Variants in ARHGAP15 observed in about 807,000 individuals in gnomAD.
The protein encoded by ARHGAP15 is rho GTPase-activating protein 15.
In ARHGAP15, 51 loss-of-function variants were observed where a neutral mutation model predicts 63.7. That is an observed-to-expected ratio of 0.80 (90% CI 0.64 to 1.01). ARHGAP15 has a LOEUF of 1.01. Among genes scored for constraint, ARHGAP15 ranks in the 50% least tolerant of loss-of-function variants. The pLI, the probability that ARHGAP15 is intolerant of heterozygous loss-of-function variation, is 0.00. For missense variants in ARHGAP15, 560 were observed against 564.6 expected, an observed-to-expected ratio of 0.99 and a Z score of 0.08; for synonymous variants, 191 against 193.8, an observed-to-expected ratio of 0.99 and a Z score of 0.12.
At chr2:143,553,969 G>A (rs1054547858) in intron 10 of ARHGAP15, among the ~76,000 whole-genome samples, 4 of 151,978 alleles carry the variant, frequency 2.6e-5, no homozygotes, top group Non-Finnish European at 5.9e-5. Flanking sequence ...ATTAAGTAAG[G>A]CCCTTATTTG....
At chr2:143,369,169 A>G (rs1053543244) in intron 6 of ARHGAP15, among the ~76,000 whole-genome samples, 2 of 152,152 alleles carry the variant, frequency 1.3e-5, no homozygotes, top group South Asian at 2.1e-4. Context: ...TTTGCATACT[A>G]TGTAAGAAGG....
At chr2:143,287,271 C>T (rs2105104062) in intron 6 of ARHGAP15, among the ~76,000 whole-genome samples, 1 of 152,144 alleles carries the variant, frequency 6.6e-6, no homozygotes, top group East Asian at 1.9e-4. Context: ...CCCCAAAACA[C>T]ATTGGAAGAG....
At chr2:143,629,899 T>C (rs1698996224) in intron 12 of ARHGAP15, among the ~76,000 whole-genome samples, 1 of 152,170 alleles carries the variant, frequency 6.6e-6, no homozygotes, top group Non-Finnish European at 1.5e-5. Flanking sequence ...GAAATTAGTT[T>C]TTAGAGAAGT....
intron 6 of ARHGAP15, among the ~76,000 whole-genome samples, chr2:143,405,542 A>G (rs972796725): frequency 2.0e-5 from 3 of 151,898 alleles, no homozygotes; most frequent in East Asian, 1.9e-4. Context: ...CAAGTTGACT[A>G]TATATTTTCT....
chr2:143,512,337 G>C (rs1316619979), intron 9 of ARHGAP15, among the ~76,000 whole-genome samples: 1 of 152,152 alleles, frequency 6.6e-6, no homozygotes, highest in African/African-American at 2.4e-5. Flanking sequence ...AATTACTGTG[G>C]CCAAGAAGAT....
Position 143,616,458 on chromosome 2 carries a change from C to T in ARHGAP15, c.1004-7675C>T, listed in dbSNP as rs1423174097. The stretch of plus-strand genomic sequence containing the variant: ...ATATTTCATATGAGCCTGTGACATG[C>T]GCATGCTTTGGTCTTCTCAAATAAT... On this transcript the variant is annotated intron_variant, in intron 11 of 13. Coordinates refer to ENST00000295095, the MANE Select transcript of ARHGAP15 (RefSeq NM_018460.4). Among the ~76,000 whole-genome samples the T allele has an allele frequency of 3.9e-5, 6 of 152,268 alleles. No homozygotes were observed. In the East Asian group the frequency reaches 7.7e-4, roughly 20 times the overall value.
chr2:143,423,199 A>G (rs1431165145), intron 6 of ARHGAP15, among the ~76,000 whole-genome samples: 1 of 152,150 alleles, frequency 6.6e-6, no homozygotes, highest in African/African-American at 2.4e-5. Context: ...AGGCAGTGGT[A>G]TGTTGACAGT....
intron 13 of ARHGAP15, among the ~76,000 whole-genome samples, chr2:143,713,497 A>T (rs1023614017): frequency 1.3e-5 from 2 of 152,154 alleles, no homozygotes; most frequent in Non-Finnish European, 2.9e-5. Flanking sequence ...ATGTCCTCAT[A>T]TATCAAAACC....
chr2:143,191,672 C>G (rs1414849036), intron 2 of ARHGAP15, among the ~76,000 whole-genome samples: 1 of 152,170 alleles, frequency 6.6e-6, no homozygotes, highest in African/African-American at 2.4e-5. Context: ...ACTTTGATAG[C>G]TAAATCATAC....
rs972805035 is a variant in ARHGAP15, at chr2:143,672,306, T to C, written c.1139-31113T>C. On this transcript the variant is annotated intron_variant, in intron 12 of 13. Coordinates refer to ENST00000295095, the MANE Select transcript of ARHGAP15 (RefSeq NM_018460.4). ...TGAGGTTCTCAGATATGAAAAAAAA[T>C]CTAAGTGGAACATAAAAACACACAT... Among the ~76,000 whole-genome samples, 15 of 152,036 alleles carry C rather than the reference T, an allele frequency of 9.9e-5. No homozygotes were observed. The South Asian group carries it at 3.1e-3, about 32-fold the overall frequency.
chr2:143,228,625 T>C lies in ARHGAP15; in HGVS notation c.341T>C (p.Ile114Thr), dbSNP rs1693316195. The stretch of plus-strand genomic sequence containing the variant: ...TGGATTGTTCTTTCTAGTCGAAGAA[T>C]TGAATTTTACAAAGAATCCAAGCAA... ...TSWIVLSSRR[I>T]EFYKESKQQA... Residue 114 changes from isoleucine to threonine, a missense_variant, in exon 5 of 14, where the codon ATT (isoleucine) becomes ACT (threonine). Transcript: ENST00000295095. 1.9e-6 allele frequency: 3 copies of C among 1,609,986 alleles called. No homozygotes were observed. Among genetic ancestry groups the C allele is most frequent in the Non-Finnish European group, 2.5e-6 (3 of 1,178,186 alleles).
intron 1 of ARHGAP15, among the ~76,000 whole-genome samples, chr2:143,152,254 G>A (rs1689855929): frequency 6.6e-6 from 1 of 151,792 alleles, no homozygotes; most frequent in South Asian, 2.1e-4. Flanking sequence ...AACTTCCCTG[G>A]TACTTTATGT....
At chr2:143,552,828 T>C (rs767252361) in intron 10 of ARHGAP15, among the ~76,000 whole-genome samples, 7 of 152,164 alleles carry the variant, frequency 4.6e-5, no homozygotes, top group Non-Finnish European at 1.0e-4. Flanking sequence ...CCTGTCAGCA[T>C]TTACGGTCAT....
At chr2:143,495,071 A>G (rs1411697528) in intron 9 of ARHGAP15, among the ~76,000 whole-genome samples, 1 of 152,178 alleles carries the variant, frequency 6.6e-6, no homozygotes. Context: ...ATTTACATTG[A>G]AAGTTTAAAT....
Position 143,222,103 on chromosome 2 carries a change from C to A in ARHGAP15, c.296+5658C>A, listed in dbSNP as rs757858593. On this transcript the variant is annotated intron_variant, in intron 4 of 13. Coordinates refer to ENST00000295095, the MANE Select transcript of ARHGAP15 (RefSeq NM_018460.4). ...CTGACAGAGATGGGTATTTTTACAC[C>A]TCAGTGTCTTTTTGACCCACCTTTT... 2.6e-4 allele frequency among the ~76,000 whole-genome samples: 40 copies of A among 152,230 alleles called. 1 individual carries two copies. Among genetic ancestry groups the A allele is most frequent in the Middle Eastern group, 3.4e-3 (1 of 294 alleles).
chr2:143,175,480 G>C (rs1690977866), intron 2 of ARHGAP15, among the ~76,000 whole-genome samples: 1 of 152,132 alleles, frequency 6.6e-6, no homozygotes, highest in African/African-American at 2.4e-5. Context: ...GTGGTTGTCA[G>C]AGATCCCTGT....
intron 6 of ARHGAP15, among the ~76,000 whole-genome samples, chr2:143,399,033 C>T (rs1359999595): frequency 6.6e-6 from 1 of 152,052 alleles, no homozygotes; most frequent in Admixed American, 6.6e-5. Context: ...GAGATCCCAA[C>T]TGTAGTGTTT....
intron 9 of ARHGAP15, among the ~76,000 whole-genome samples, chr2:143,510,143 A>G (rs1041551730): frequency 4.6e-5 from 7 of 152,096 alleles, no homozygotes; most frequent in African/African-American, 1.7e-4. Context: ...TTAAAATCAA[A>G]AGATGGAATT....
At chr2:143,379,946 A>C (rs1686992806) in intron 6 of ARHGAP15, among the ~76,000 whole-genome samples, 1 of 152,078 alleles carries the variant, frequency 6.6e-6, no homozygotes, top group Non-Finnish European at 1.5e-5. Flanking sequence ...GGAACAGAGC[A>C]AAAAGAACAA....
Sources: gnomAD v4.1 joint callset for allele counts (sites outside exome capture counted in the v4.1 genomes callset) on GRCh38, gnomAD v4.1.1 for gene constraint, MANE v1.5 for transcripts, NCBI Gene and HGNC (gene_info 2026-07-23, HGNC 2026-07-21) for gene names.